SLC26A8: variants seen among roughly 807,000 people sequenced by gnomAD.
SLC26A8 encodes solute carrier family 26 member 8, also known as testis anion transporter 1.
In SLC26A8, 70 loss-of-function variants were observed where a neutral mutation model predicts 105.0. That is an observed-to-expected ratio of 0.67 (90% CI 0.55 to 0.81). SLC26A8 has a LOEUF of 0.81. Among genes scored for constraint, SLC26A8 ranks in the 40% least tolerant of loss-of-function variants. The pLI is 0.00. For synonymous variants in SLC26A8, 415 were observed against 438.3 expected, an observed-to-expected ratio of 0.95 and a Z score of 0.66; for missense variants, 998 against 1,181.8, an observed-to-expected ratio of 0.84 and a Z score of 2.28.
intron 10 of SLC26A8, among the ~76,000 whole-genome samples, chr6:35,974,503 T>C (rs1043650403): frequency 6.6e-6 from 1 of 152,210 alleles, no homozygotes; most frequent in Non-Finnish European, 1.5e-5. Context: ...CTAGATAATT[T>C]TCTCTTATAC....
At chr6:36,020,247 A>G (rs1762097461) in intron 1 of SLC26A8, among the ~76,000 whole-genome samples, 1 of 152,188 alleles carries the variant, frequency 6.6e-6, no homozygotes, top group African/African-American at 2.4e-5. Context: ...CCCCCATAAA[A>G]TGTAAGACCA....
At chr6:35,959,668 G>A (rs772514754) in intron 15 of SLC26A8, 46 bp downstream of exon 15, 18 of 1,603,872 alleles carry the variant, frequency 1.1e-5, no homozygotes, top group East Asian at 2.2e-5. Flanking sequence ...AGATGCCAGT[G>A]GCGGGGAGTG....
intron 16 of SLC26A8, 149 bp from the exon 17 acceptor site, chr6:35,955,669 G>A: frequency 9.7e-7 from 1 of 1,027,532 alleles, no homozygotes; most frequent in South Asian, 1.7e-5. Context: ...TTTTTACTTG[G>A]ATATCTGTCA....
Position 35,975,535 on chromosome 6 carries a change from A to G in SLC26A8, c.1174-47T>C, listed in dbSNP as rs80171732. 15,764 of 1,202,088 alleles carry G rather than the reference A, an allele frequency of 0.013. 1,010 individuals are homozygous for G. The African/African-American group carries it at 0.17, about 13-fold the overall frequency. 74.5% of individuals were successfully genotyped at this position (1,202,088 alleles called of 1,614,324 possible). ...TTTAGGCCCCCGTTTTTGTTGAAGA[A>G]TGCTGATTTTGAGTTGAAGGCATAT... On this transcript the variant is annotated intron_variant, in intron 9 of 19. Transcript: ENST00000490799.
In SLC26A8 at chr6:35,997,807, G is replaced by A; in HGVS notation, c.558C>T (p.Ser186=). Residue 186 remains serine (S), a synonymous_variant, in exon 5 of 20, where the codon TCC becomes TCT. Coordinates refer to ENST00000490799, the MANE Select transcript of SLC26A8 (RefSeq NM_052961.4). ...AGGATTTATTATAGCCCATAAGGTAGGAGGGGGCCGAAAACTCATTCTTGA... is the reference window on the plus strand; with the variant it reads ...AGGATTTATTATAGCCCATAAGGTAAGAGGGGGCCGAAAACTCATTCTTGA... ...SFVKNEFSAP[S]YLMGYNKSLS... is the part of the protein sequence containing the mutation. The A allele has an allele frequency of 6.2e-7, 1 of 1,614,136 alleles. No homozygotes were observed. The highest frequency in any genetic ancestry group is 1.1e-5 in the South Asian group (1 of 91,080).
At position 35,962,516 on chromosome 6, in the gene SLC26A8, C is replaced by CT. The variant is rs768287389; in HGVS notation, c.1461+9dup. ...CCCTCCCCTTCCTCAGCCAGGGCAT[C>CT]TACACTCACACAGTCATATTGGTCC... On this transcript the variant is annotated intron_variant, in intron 12 of 19. Coordinates refer to ENST00000490799, the MANE Select transcript of SLC26A8 (RefSeq NM_052961.4). 1 of 1,611,614 alleles carries CT rather than the reference C, an allele frequency of 6.2e-7. No individual in the cohort carries two copies. Among genetic ancestry groups the CT allele is most frequent in the African/African-American group, 1.3e-5 (1 of 74,880 alleles).
chr6:35,987,599 C>G (rs1773576163), intron 7 of SLC26A8, among the ~76,000 whole-genome samples: 2 of 152,180 alleles, frequency 1.3e-5, no homozygotes, highest in South Asian at 4.1e-4. Flanking sequence ...TCTCAATCTC[C>G]TGACCTCGTG....
intron 9 of SLC26A8, among the ~76,000 whole-genome samples, 196 bp from the exon 10 acceptor site, chr6:35,975,684 C>A (rs929000757): frequency 6.6e-6 from 1 of 151,894 alleles, no homozygotes; most frequent in African/African-American, 2.4e-5. Flanking sequence ...GAGGCTGAGG[C>A]TGGTGGATCA....
intron 3 of SLC26A8, among the ~76,000 whole-genome samples, chr6:36,007,116 G>A (rs780824744): frequency 9.9e-5 from 15 of 152,112 alleles, no homozygotes; most frequent in Non-Finnish European, 1.6e-4. Flanking sequence ...ATTCAACATA[G>A]TATTGGAAGT....
chr6:36,017,406 T>C (rs1100862), intron 2 of SLC26A8, among the ~76,000 whole-genome samples: 105,506 of 151,928 alleles, frequency 0.69, 37,042 homozygotes, highest in Middle Eastern at 0.74. Context: ...CCGAGGCAGG[T>C]GGATCACCTG....
chr6:35,964,532 A>G (rs1772428349), intron 11 of SLC26A8, among the ~76,000 whole-genome samples: 1 of 152,076 alleles, frequency 6.6e-6, no homozygotes, highest in South Asian at 2.1e-4. Flanking sequence ...CTGTAATCTC[A>G]GCCACTCGGG....
At chr6:35,956,684 C>T (rs1406729941) in intron 16 of SLC26A8, among the ~76,000 whole-genome samples, 1 of 152,112 alleles carries the variant, frequency 6.6e-6, no homozygotes, top group Non-Finnish European at 1.5e-5. Flanking sequence ...CTTTGGGAGG[C>T]TGAGGTGGGT....
intron 11 of SLC26A8, among the ~76,000 whole-genome samples, chr6:35,963,381 GA>G (rs1483838735): frequency 1.3e-5 from 2 of 152,132 alleles, no homozygotes; most frequent in Non-Finnish European, 2.9e-5. Context: ...ATGCTGTGCT[GA>G]AACTCGTTTT....
Position 35,943,840 on chromosome 6 carries a change from C to T in SLC26A8, c.*60G>A. ...CCAGTCTAGGTCTCTGGACAATTGA[C>T]CCCTTTTTGGGTAGGAGGATTTGCC... On this transcript the variant is annotated 3_prime_UTR_variant, in exon 20 of 20. Transcript: ENST00000490799. The T allele has an allele frequency of 6.3e-7, 1 of 1,574,924 alleles. No homozygotes were observed.
At chr6:35,958,276 G>A (rs1052232226) in intron 16 of SLC26A8, among the ~76,000 whole-genome samples, 1 of 152,050 alleles carries the variant, frequency 6.6e-6, no homozygotes, top group African/African-American at 2.4e-5. Flanking sequence ...AAGGCAGGTG[G>A]ATCACCTGAG....
chr6:36,019,461 T>A, intron 2 of SLC26A8, 59 bp downstream of exon 2: 4 of 1,502,710 alleles, frequency 2.7e-6, no homozygotes, highest in Non-Finnish European at 3.6e-6. Context: ...CCCAAAGGAG[T>A]CAGGTTAGGT....
At chr6:35,968,336 G>A (rs1772601085) in intron 11 of SLC26A8, among the ~76,000 whole-genome samples, 1 of 151,062 alleles carries the variant, frequency 6.6e-6, no homozygotes, top group East Asian at 2.0e-4. Context: ...GTAGAGATGA[G>A]GTTTCTCCAT....
Position 35,991,863 on chromosome 6 carries a change from T to A in SLC26A8, c.793-55A>T, listed in dbSNP as rs116632963. 6,367 of 1,482,272 alleles carry A rather than the reference T, an allele frequency of 4.3e-3. 26 individuals are homozygous for A. The highest frequency in any genetic ancestry group is 5.3e-3 in the Non-Finnish European group (5,919 of 1,116,650). The allele number at this position is 1,482,272 out of a possible 1,614,324, so 91.8% of individuals were successfully genotyped here. On this transcript the variant is annotated intron_variant, in intron 6 of 19. Transcript: ENST00000490799. ...GAAAGGGATGTAGTAATTGCCTAAG[T>A]CTAGAAATTGACACTGTAGATTAAC...
At chr6:36,004,009 C>A (rs1451469808) in intron 3 of SLC26A8, among the ~76,000 whole-genome samples, 7 of 150,980 alleles carry the variant, frequency 4.6e-5, no homozygotes. Context: ...CTACACAATA[C>A]AGTTTAATTT....
Sources: gnomAD v4.1 joint callset for allele counts (sites outside exome capture counted in the v4.1 genomes callset) on GRCh38, gnomAD v4.1.1 for gene constraint, MANE v1.5 for transcripts, NCBI Gene and HGNC (gene_info 2026-07-23, HGNC 2026-07-21) for gene names.